DENND1A: variants seen among roughly 807,000 people sequenced by gnomAD.
The protein encoded by DENND1A is DENN domain containing 1A, also known as DENN domain-containing protein 1A.
A neutral mutation model predicts 113.7 loss-of-function variants in DENND1A; 51 were observed. The ratio of observed to expected loss-of-function variants is 0.45; its 90% CI spans 0.36 to 0.57. The LOEUF is 0.57. Ranked by LOEUF, DENND1A falls within the 20% of genes least tolerant of loss-of-function variation. The pLI is 0.00. For synonymous variants in DENND1A, 565 were observed against 570.8 expected, an observed-to-expected ratio of 0.99 and a Z score of 0.14; for missense variants, 1,258 against 1,395.9, an observed-to-expected ratio of 0.90 and a Z score of 1.57.
intron 8 of DENND1A, among the ~76,000 whole-genome samples, chr9:123,662,372 G>A (rs1346465550): frequency 2.0e-5 from 3 of 152,152 alleles, no homozygotes; most frequent in Non-Finnish European, 2.9e-5. Flanking sequence ...GACCAGCCTG[G>A]CCAACATGGT....
chr9:123,402,538 C>T (rs1223159741), intron 21 of DENND1A: 2 of 534,846 alleles, frequency 3.7e-6, no homozygotes, highest in Admixed American at 3.9e-5. Flanking sequence ...ACCCAAAGGA[C>T]TTCAGGATCC....
At chr9:123,471,579 A>C (rs982362865) in intron 13 of DENND1A, among the ~76,000 whole-genome samples, 2 of 152,202 alleles carry the variant, frequency 1.3e-5, no homozygotes, top group East Asian at 3.8e-4. Context: ...AACCTCCACG[A>C]AGCTGCCTGC....
At chr9:123,800,838 C>A (rs1406390653) in intron 2 of DENND1A, among the ~76,000 whole-genome samples, 1 of 152,022 alleles carries the variant, frequency 6.6e-6, no homozygotes, top group African/African-American at 2.4e-5. Flanking sequence ...ATCCTTATCT[C>A]ATCTATGAAA....
At chr9:123,810,758 CTTT>C (rs570849433) in intron 2 of DENND1A, among the ~76,000 whole-genome samples, 20 of 131,172 alleles carry the variant, frequency 1.5e-4, no homozygotes, top group Middle Eastern at 3.7e-3. Flanking sequence ...ACTTAAATCC[CTTT>C]TTTTTTTTTT....
chr9:123,522,407 G>C (rs1183282073), intron 13 of DENND1A, among the ~76,000 whole-genome samples: 1 of 152,182 alleles, frequency 6.6e-6, no homozygotes, highest in Non-Finnish European at 1.5e-5. Flanking sequence ...CTGGTGCATG[G>C]GAGCAATTAG....
chr9:123,391,092 G>A (rs995556096), intron 21 of DENND1A, among the ~76,000 whole-genome samples: 1 of 152,374 alleles, frequency 6.6e-6, no homozygotes, highest in Non-Finnish European at 1.5e-5. Flanking sequence ...GATGGTGGAG[G>A]GGGCTGGGGG....
At chr9:123,502,496 G>A (rs1034465784) in intron 13 of DENND1A, among the ~76,000 whole-genome samples, 3 of 152,048 alleles carry the variant, frequency 2.0e-5, no homozygotes, top group African/African-American at 7.2e-5. Context: ...GAGAAATATC[G>A]AGTCAGGTCT....
At chr9:123,443,863 G>A (rs2047109499) in intron 18 of DENND1A, among the ~76,000 whole-genome samples, 1 of 152,150 alleles carries the variant, frequency 6.6e-6, no homozygotes, top group African/African-American at 2.4e-5. Context: ...GGCTGAAATG[G>A]GAGGATCACC....
At chr9:123,747,927 C>G (rs1589918367) in intron 5 of DENND1A, among the ~76,000 whole-genome samples, 1 of 151,912 alleles carries the variant, frequency 6.6e-6, no homozygotes, top group African/African-American at 2.4e-5. Context: ...AGTAACTATT[C>G]TTCATTGTCA....
chr9:123,606,110 T>A (rs976269556), intron 11 of DENND1A, among the ~76,000 whole-genome samples: 5 of 152,166 alleles, frequency 3.3e-5, no homozygotes, highest in Admixed American at 6.5e-5. Flanking sequence ...CCCTTTCACC[T>A]GAAGGGTACA....
chr9:123,563,896 AC>A (rs1268662933), intron 12 of DENND1A, among the ~76,000 whole-genome samples: 1 of 152,252 alleles, frequency 6.6e-6, no homozygotes, highest in South Asian at 2.1e-4. Context: ...TCTCTAACAA[AC>A]TTTTTATTAA....
intron 5 of DENND1A, among the ~76,000 whole-genome samples, chr9:123,722,224 T>C (rs2067392862): frequency 6.6e-6 from 1 of 152,214 alleles, no homozygotes; most frequent in South Asian, 2.1e-4. Context: ...TTGAGAAAGA[T>C]GATTTAGGGT....
intron 1 of DENND1A, among the ~76,000 whole-genome samples, chr9:123,902,007 AAAAT>A (rs903864742): frequency 2.0e-5 from 3 of 152,118 alleles, no homozygotes; most frequent in Admixed American, 6.6e-5. Context: ...CTCCGTCTCA[AAAAT>A]AAATAAATAA....
chr9:123,447,790 CA>C (rs111439865), intron 18 of DENND1A, among the ~76,000 whole-genome samples: 162 of 113,810 alleles, frequency 1.4e-3, no homozygotes, highest in African/African-American at 4.1e-3. Flanking sequence ...GGGAGAAGGA[CA>C]AAAAAAAAAA....
At chr9:123,521,470 G>A (rs1588963720) in intron 13 of DENND1A, among the ~76,000 whole-genome samples, 1 of 152,164 alleles carries the variant, frequency 6.6e-6, no homozygotes, top group African/African-American at 2.4e-5. Context: ...ATAAGATTAA[G>A]TGAGATACCC....
intron 3 of DENND1A, among the ~76,000 whole-genome samples, chr9:123,787,312 T>C (rs1157202169): frequency 1.3e-4 from 20 of 152,158 alleles, no homozygotes; most frequent in Admixed American, 1.3e-3. Flanking sequence ...TCTTATGAAA[T>C]AGTATTCTTT....
chr9:123,854,700 AAAAAT>A (rs1457744853), intron 2 of DENND1A, among the ~76,000 whole-genome samples: 3 of 150,720 alleles, frequency 2.0e-5, no homozygotes, highest in East Asian at 1.9e-4. Context: ...GTCTCAAAAA[AAAAAT>A]AAAAATAAAA....
intron 1 of DENND1A, among the ~76,000 whole-genome samples, chr9:123,899,703 C>T (rs974467828): frequency 3.9e-5 from 6 of 152,150 alleles, no homozygotes; most frequent in African/African-American, 1.4e-4. Flanking sequence ...TACCACTGAA[C>T]TAATAATTTG....
intron 13 of DENND1A, among the ~76,000 whole-genome samples, chr9:123,552,124 C>T (rs576958436): frequency 1.3e-5 from 2 of 150,714 alleles, no homozygotes; most frequent in South Asian, 2.1e-4. Context: ...GTTCTTCAGA[C>T]GTGACTGCAG....
Sources: gnomAD v4.1 joint callset for allele counts (sites outside exome capture counted in the v4.1 genomes callset) on GRCh38, gnomAD v4.1.1 for gene constraint, MANE v1.5 for transcripts, NCBI Gene and HGNC (gene_info 2026-07-23, HGNC 2026-07-21) for gene names.